Variants in DHX32 observed in about 807,000 individuals in gnomAD.
The protein encoded by DHX32 is putative pre-mRNA-splicing factor ATP-dependent RNA helicase DHX32.
Under a neutral mutation model 70.0 loss-of-function variants are expected in DHX32, and 51 were observed. The observed-to-expected ratio is 0.73, with a 90% CI of 0.58 to 0.92. DHX32 has a LOEUF of 0.92. DHX32 is among the 40% of genes least tolerant of loss of function. The pLI is 0.00. For synonymous variants in DHX32, 310 were observed against 315.3 expected (o/e 0.98, Z 0.18); for missense variants, 762 against 891.8 (o/e 0.85, Z 1.85).
At chr10:125,841,085 G>A in intron 7 of DHX32, 89 bp from the exon 8 acceptor site, 1 of 1,460,374 alleles carries the variant, frequency 6.8e-7, no homozygotes, top group African/African-American at 1.4e-5. Context: ...ACGACTGTTA[G>A]TGGCATGGCT....
chr10:125,849,487 C>T (rs1475499543), intron 6 of DHX32, among the ~76,000 whole-genome samples: 1 of 152,252 alleles, frequency 6.6e-6, no homozygotes, highest in Non-Finnish European at 1.5e-5. Flanking sequence ...CACACCCCCT[C>T]ATCTGAGTAT....
chr10:125,841,078 A>G (rs1310623604), intron 7 of DHX32, 82 bp from the exon 8 acceptor site: 2 of 1,484,546 alleles, frequency 1.3e-6, no homozygotes. Flanking sequence ...AGGGGTCACG[A>G]CTGTTAGTGG....
intron 4 of DHX32, chr10:125,853,271 A>G (rs1430639029): frequency 4.3e-6 from 6 of 1,396,442 alleles, no homozygotes; most frequent in Non-Finnish European, 5.9e-6. Flanking sequence ...GGAGGCTCAT[A>G]GTCTCCTGGA....
chr10:125,864,042 G>T (rs892544048), intron 2 of DHX32, among the ~76,000 whole-genome samples: 1 of 152,140 alleles, frequency 6.6e-6, no homozygotes, highest in Non-Finnish European at 1.5e-5. Context: ...TGAGTAAGTG[G>T]TGGAGACACC....
chr10:125,878,955 G>A (rs539081787), intron 1 of DHX32, among the ~76,000 whole-genome samples: 2 of 147,378 alleles, frequency 1.4e-5, no homozygotes, highest in African/African-American at 2.5e-5. Flanking sequence ...TGATCTGCCC[G>A]TCTCGGCCTC....
At chr10:125,894,425 TC>T (rs1417851273) in intron 1 of DHX32, among the ~76,000 whole-genome samples, 1 of 152,216 alleles carries the variant, frequency 6.6e-6, no homozygotes, top group Non-Finnish European at 1.5e-5. Flanking sequence ...ACGCCTGACT[TC>T]CACTCCTAAC....
chr10:125,881,667 A>G (rs1944318230), upstream of DHX32, among the ~76,000 whole-genome samples: 3 of 152,188 alleles, frequency 2.0e-5, no homozygotes, highest in African/African-American at 4.8e-5. Context: ...TATAAAAAAG[A>G]CAGGGTCTCG....
chr10:125,873,806 C>T (rs10794030), intron 1 of DHX32, among the ~76,000 whole-genome samples: 70,945 of 152,002 alleles, frequency 0.47, 17,011 homozygotes, highest in African/African-American at 0.55. Context: ...AATTCACATA[C>T]ATCTTGGTTT....
upstream of DHX32, among the ~76,000 whole-genome samples, chr10:125,885,261 A>G (rs1036110675): frequency 7.9e-5 from 12 of 152,138 alleles, no homozygotes; most frequent in African/African-American, 2.4e-4. Flanking sequence ...CTGATGTGGT[A>G]TGTAGAATGG....
At chr10:125,862,712 A>G (rs1944197691) in intron 2 of DHX32, among the ~76,000 whole-genome samples, 1 of 152,150 alleles carries the variant, frequency 6.6e-6, no homozygotes, top group South Asian at 2.1e-4. Context: ...AACTTACTAT[A>G]CAAACCCACA....
rs887225032 is a variant in DHX32, at chr10:125,894,478, T to C, written c.-248+1740A>G. Among the ~76,000 whole-genome samples the C allele has an allele frequency of 3.9e-5, 6 of 152,300 alleles. No homozygotes were observed. In the South Asian group the frequency reaches 6.2e-4, roughly 16 times the overall value. ...GTACCCTGTCCCCTAAAATCAAATG[T>C]TGCTTTTCACAGTTGCCTTTACTTG... is the stretch of plus-strand genomic sequence containing the variant. On this transcript the variant is annotated intron_variant, in intron 1 of 2. Coordinates refer to the DHX32 transcript ENST00000415732.
At chr10:125,876,170 C>T (rs1270445723) in intron 1 of DHX32, among the ~76,000 whole-genome samples, 1 of 152,206 alleles carries the variant, frequency 6.6e-6, no homozygotes, top group African/African-American at 2.4e-5. Flanking sequence ...TCTGTGATTG[C>T]ATCCTCAGCC....
At chr10:125,861,586 G>T (rs1417810014) in intron 2 of DHX32, among the ~76,000 whole-genome samples, 1 of 152,144 alleles carries the variant, frequency 6.6e-6, no homozygotes, top group Non-Finnish European at 1.5e-5. Context: ...CTGGAATTTT[G>T]AAACATACTA....
At chr10:125,862,757 G>T (rs546576538) in intron 2 of DHX32, among the ~76,000 whole-genome samples, 74 of 152,210 alleles carry the variant, frequency 4.9e-4, no homozygotes, top group African/African-American at 1.8e-3. Context: ...GGAGGCTGAG[G>T]TGGGAGATCA....
intron 2 of DHX32, among the ~76,000 whole-genome samples, chr10:125,862,135 A>G (rs983432886): frequency 1.3e-5 from 2 of 152,220 alleles, no homozygotes; most frequent in Non-Finnish European, 2.9e-5. Flanking sequence ...CCAGGTAGAG[A>G]GTCAAGATTT....
At chr10:125,852,787 T>C in intron 4 of DHX32, 145 bp from the exon 5 acceptor site, 1 of 759,330 alleles carries the variant, frequency 1.3e-6, no homozygotes. Context: ...TATTTATTAT[T>C]GTTTCACTTG....
intron 1 of DHX32, among the ~76,000 whole-genome samples, chr10:125,879,947 C>T (rs1944307486): frequency 6.6e-6 from 1 of 152,172 alleles, no homozygotes. Flanking sequence ...CCTGCTCCAA[C>T]TCTTTAATAT....
At chr10:125,859,041 G>GTTTTTTTTTT (rs1168999968) in intron 3 of DHX32, among the ~76,000 whole-genome samples, 4 of 134,252 alleles carry the variant, frequency 3.0e-5, no homozygotes, top group African/African-American at 8.4e-5. Flanking sequence ...TTGTTTGTTT[G>GTTTTTTTTTT]TTTGTTTTTT....
chr10:125,869,953 T>C (rs1323455602), intron 1 of DHX32, among the ~76,000 whole-genome samples: 1 of 152,168 alleles, frequency 6.6e-6, no homozygotes, highest in Non-Finnish European at 1.5e-5. Context: ...GGAAAATTAC[T>C]GCAAAGGAAG....
Sources: allele counts gnomAD v4.1 joint callset (sites outside exome capture counted in the v4.1 genomes callset), GRCh38; gene constraint gnomAD v4.1.1; transcripts MANE v1.5; gene names NCBI Gene and HGNC (gene_info 2026-07-23, HGNC 2026-07-21).